ANKRD55: variants seen among roughly 807,000 people sequenced by gnomAD.
ANKRD55 encodes the protein ankyrin repeat domain-containing protein 55.
Under a neutral mutation model 60.6 loss-of-function variants are expected in ANKRD55, and 41 were observed. The observed-to-expected ratio is 0.68, with a 90% CI of 0.53 to 0.88. ANKRD55 has a LOEUF of 0.88. Among genes scored for constraint, ANKRD55 ranks in the 40% least tolerant of loss-of-function variants. The pLI, the probability that ANKRD55 is intolerant of heterozygous loss-of-function variation, is 0.00. For synonymous variants in ANKRD55, 264 were observed against 290.3 expected (o/e 0.91, Z 0.92); for missense variants, 732 against 767.6 (o/e 0.95, Z 0.55).
At chr5:56,138,714 A>G (rs1757675345) in intron 7 of ANKRD55, among the ~76,000 whole-genome samples, 1 of 152,252 alleles carries the variant, frequency 6.6e-6, no homozygotes, top group South Asian at 2.1e-4. Context: ...ATGTAAATGC[A>G]TATTACTAGA....
At chr5:56,148,654 A>AT (rs11377254) in intron 6 of ANKRD55, among the ~76,000 whole-genome samples, 66,163 of 147,636 alleles carry the variant, frequency 0.45, 15,013 homozygotes, top group Middle Eastern at 0.52. Context: ...TTCTCAGAAC[A>AT]TTTTTTTTTT....
At chr5:56,231,339 G>C (rs1365986256) in intron 2 of ANKRD55, among the ~76,000 whole-genome samples, 1 of 152,152 alleles carries the variant, frequency 6.6e-6, no homozygotes, top group East Asian at 1.9e-4. Context: ...TATGTTTGGG[G>C]CTCAATCCTG....
At chr5:56,146,783 A>G (rs1757910654) in intron 6 of ANKRD55, 1 of 152,108 alleles carries the variant, frequency 6.6e-6, no homozygotes. Flanking sequence ...TCCAATTACT[A>G]ACCAGGCCTA....
intron 2 of ANKRD55, among the ~76,000 whole-genome samples, chr5:56,217,102 C>T (rs1759831837): frequency 1.3e-5 from 2 of 152,198 alleles, no homozygotes; most frequent in African/African-American, 2.4e-5. Context: ...ATTTACCATT[C>T]CAAAACCTGA....
intron 8 of ANKRD55, among the ~76,000 whole-genome samples, chr5:56,125,384 G>A (rs1238014109): frequency 4.0e-5 from 6 of 151,576 alleles, no homozygotes; most frequent in Admixed American, 2.0e-4. Context: ...GGGTTCAAGC[G>A]ATTCTCCTGC....
chr5:56,116,572 A>G (rs765172755), intron 9 of ANKRD55, 43 bp downstream of exon 9: 8 of 1,396,178 alleles, frequency 5.7e-6, no homozygotes, highest in Middle Eastern at 1.9e-4. Flanking sequence ...ATTTATAAAT[A>G]GTTGAGAAGA....
chr5:56,188,952 T>C (rs1759032928), intron 2 of ANKRD55, among the ~76,000 whole-genome samples: 2 of 152,172 alleles, frequency 1.3e-5, no homozygotes, highest in Admixed American at 6.5e-5. Context: ...AGTAGCCATA[T>C]TGAGGGCAGT....
chr5:56,165,678 C>T (rs1327726320), intron 5 of ANKRD55, among the ~76,000 whole-genome samples: 1 of 151,986 alleles, frequency 6.6e-6, no homozygotes, highest in Non-Finnish European at 1.5e-5. Flanking sequence ...TCTTGTAATC[C>T]CAGCACTTTG....
chr5:56,123,809 G>C, intron 8 of ANKRD55, among the ~76,000 whole-genome samples: 1 of 152,168 alleles, frequency 6.6e-6, no homozygotes, highest in South Asian at 2.1e-4. Context: ...ATATACTCAT[G>C]TCCTTGGGGC....
chr5:56,166,152 T>TTCTTTCTC (rs1204844246), intron 5 of ANKRD55, among the ~76,000 whole-genome samples: 2 of 98,352 alleles, frequency 2.0e-5, no homozygotes, highest in Non-Finnish European at 1.9e-5. Flanking sequence ...CTTTCTTTCT[T>TTCTTTCTC]TCTTCTTTCC....
chr5:56,144,137 A>C (rs1163461582), intron 6 of ANKRD55, among the ~76,000 whole-genome samples: 2 of 152,246 alleles, frequency 1.3e-5, no homozygotes, highest in Non-Finnish European at 2.9e-5. Flanking sequence ...TTCAGGATAC[A>C]AAAGTTAATA....
intron 2 of ANKRD55, among the ~76,000 whole-genome samples, chr5:56,229,129 G>A (rs1367413769): frequency 5.4e-5 from 8 of 149,526 alleles, no homozygotes; most frequent in African/African-American, 7.4e-5. Flanking sequence ...TCTCTCTCAG[G>A]TTTGGGATTC....
At chr5:56,182,811 G>C (rs935643253) in intron 3 of ANKRD55, among the ~76,000 whole-genome samples, 2 of 152,232 alleles carry the variant, frequency 1.3e-5, no homozygotes, top group African/African-American at 4.8e-5. Context: ...GTCTTTGCTG[G>C]AACGAGTGGG....
intron 2 of ANKRD55, among the ~76,000 whole-genome samples, chr5:56,207,341 T>G (rs143560251): frequency 2.0e-4 from 31 of 152,342 alleles, no homozygotes; most frequent in African/African-American, 6.3e-4. Flanking sequence ...GATTTTAACA[T>G]TTAACTACCA....
At chr5:56,111,821 T>C (rs747344034) in intron 9 of ANKRD55, 39 bp from the exon 10 acceptor site, 26 of 1,454,412 alleles carry the variant, frequency 1.8e-5, no homozygotes, top group Non-Finnish European at 2.3e-5. Flanking sequence ...TATGTGAGTA[T>C]GGGAAGTAGA....
chr5:56,166,215 CTCTT>C lies in ANKRD55; in HGVS notation c.422+4475_422+4478del, dbSNP rs1216590662. Among the ~76,000 whole-genome samples the C allele has an allele frequency of 1.7e-3, 223 of 129,548 alleles. 5 individuals carry two copies. Among genetic ancestry groups the C allele is most frequent in the African/African-American group, 6.6e-3 (200 of 30,296 alleles). 85.0% of individuals were successfully genotyped at this position (129,548 alleles called of 152,430 possible). A position where few individuals can be genotyped will look rare whatever the true frequency, so the allele number is the denominator to read the frequency against. ...CTTCCTTCCTTCTCTCTCTCTCTCT[CTCTT>C]TCTTTCTTTCTTTCTCTCTATCTTT... is the stretch of plus-strand genomic sequence containing the variant. On this transcript the variant is annotated intron_variant, in intron 5 of 11. Transcript: ENST00000341048.
chr5:56,223,552 G>A (rs1760025892), intron 2 of ANKRD55, among the ~76,000 whole-genome samples: 1 of 152,126 alleles, frequency 6.6e-6, no homozygotes, highest in Non-Finnish European at 1.5e-5. Flanking sequence ...AAAATACACA[G>A]ACTGCCAAAT....
At chr5:56,149,517 A>G (rs1757988879) in intron 6 of ANKRD55, among the ~76,000 whole-genome samples, 1 of 152,218 alleles carries the variant, frequency 6.6e-6, no homozygotes, top group Non-Finnish European at 1.5e-5. Flanking sequence ...ATAGAAGCCT[A>G]AGTTGATAGA....
chr5:56,138,993 A>G (rs779730632), intron 7 of ANKRD55, among the ~76,000 whole-genome samples: 3 of 146,036 alleles, frequency 2.1e-5, no homozygotes, highest in Non-Finnish European at 3.0e-5. Flanking sequence ...TTGGGCATTG[A>G]TGACCTGTCA....
Sources: allele counts gnomAD v4.1 joint callset (sites outside exome capture counted in the v4.1 genomes callset), GRCh38; gene constraint gnomAD v4.1.1; transcripts MANE v1.5; gene names NCBI Gene and HGNC (gene_info 2026-07-23, HGNC 2026-07-21).